TRMT10A: variants seen among roughly 807,000 people sequenced by gnomAD.
TRMT10A encodes the protein tRNA methyltransferase 10A.
Under a neutral mutation model 40.4 loss-of-function variants are expected in TRMT10A, and 37 were observed. That is an observed-to-expected ratio of 0.92 (90% confidence interval 0.71 to 1.21). The LOEUF is 1.21. Ranked by LOEUF, TRMT10A falls within the 50% of genes most tolerant of loss-of-function variation. TRMT10A has a pLI of 0.00. For missense variants in TRMT10A, 388 were observed against 404.3 expected, an observed-to-expected ratio of 0.96 and a Z score of 0.35; for synonymous variants, 103 against 134.1, an observed-to-expected ratio of 0.77 and a Z score of 1.60.
intron 6 of TRMT10A, among the ~76,000 whole-genome samples, chr4:99,551,219 T>C (rs1308795152): frequency 2.0e-5 from 3 of 152,186 alleles, no homozygotes; most frequent in East Asian, 3.9e-4. Flanking sequence ...AAGTTACAAA[T>C]GAGGAAACCA....
intron 6 of TRMT10A, among the ~76,000 whole-genome samples, chr4:99,552,386 C>T (rs1723997880): frequency 6.6e-6 from 1 of 152,044 alleles, no homozygotes; most frequent in South Asian, 2.1e-4. Context: ...CTTTATGTTA[C>T]AATTGTCTAC....
chr4:99,555,882 G>T (rs2110188921), intron 5 of TRMT10A, among the ~76,000 whole-genome samples: 1 of 152,130 alleles, frequency 6.6e-6, no homozygotes, highest in South Asian at 2.1e-4. Flanking sequence ...ATGATATAAA[G>T]GCCCTTAAAA....
intron 7 of TRMT10A, among the ~76,000 whole-genome samples, chr4:99,549,682 A>G (rs1013051790): frequency 2.6e-5 from 4 of 152,184 alleles, no homozygotes; most frequent in African/African-American, 7.2e-5. Flanking sequence ...TTTACATGCT[A>G]ACAACCTAGT....
chr4:99,553,634 T>A (rs780796017), intron 6 of TRMT10A, 151 bp downstream of exon 6: 48 of 656,508 alleles, frequency 7.3e-5, no homozygotes, highest in Non-Finnish European at 1.2e-4. Context: ...AGCTAACTTA[T>A]GTGAAATACT....
intron 3 of TRMT10A, 192 bp downstream of exon 3, chr4:99,557,857 T>TA (rs1322999622): frequency 1.8e-5 from 10 of 555,092 alleles, no homozygotes; most frequent in Non-Finnish European, 2.8e-5. Flanking sequence ...CACACACACA[T>TA]ACACACATAT....
chr4:99,556,332 T>C, intron 4 of TRMT10A, 112 bp from the exon 5 acceptor site: 1 of 1,003,084 alleles, frequency 1.0e-6, no homozygotes, highest in African/African-American at 1.6e-5. Context: ...AATATATTTA[T>C]TCTCATTCAT....
rs1248549911 is a variant in TRMT10A, at chr4:99,547,814, T to C, written c.*1274A>G. The C allele has an allele frequency of 6.6e-6, 1 of 152,042 alleles. No homozygotes were observed. Among genetic ancestry groups the C allele is most frequent in the Admixed American group, 6.6e-5 (1 of 15,264 alleles). 9.4% of individuals were successfully genotyped at this position (152,042 alleles called of 1,614,324 possible). ...TAGTATGTTATATACTTTTTAAATA[T>C]AACTTTTATATATTAAAAAGAAGAC... is the stretch of plus-strand genomic sequence containing the variant. On this transcript the variant is annotated 3_prime_UTR_variant, in exon 8 of 8. Coordinates refer to ENST00000394876, the MANE Select transcript of TRMT10A (RefSeq NM_001134665.3).
intron 6 of TRMT10A, among the ~76,000 whole-genome samples, chr4:99,551,770 T>C (rs1372342265): frequency 2.6e-5 from 4 of 152,144 alleles, no homozygotes; most frequent in Non-Finnish European, 2.9e-5. Context: ...GCTCCATGCA[T>C]GTCATTACCC....
intron 5 of TRMT10A, among the ~76,000 whole-genome samples, chr4:99,554,156 G>T (rs1478166553): frequency 6.6e-6 from 1 of 151,682 alleles, no homozygotes; most frequent in African/African-American, 2.4e-5. Flanking sequence ...CCTCCTTGTT[G>T]GCCTCAGACC....
chr4:99,553,473 G>A (rs1724040334), intron 6 of TRMT10A, among the ~76,000 whole-genome samples: 1 of 152,188 alleles, frequency 6.6e-6, no homozygotes, highest in African/African-American at 2.4e-5. Context: ...TAAGCATGTG[G>A]ACTCCAGAGC....
intron 7 of TRMT10A, among the ~76,000 whole-genome samples, chr4:99,550,094 C>CA (rs1255942208): frequency 6.6e-5 from 7 of 105,968 alleles, no homozygotes; most frequent in African/African-American, 3.9e-4. Context: ...ATGTTATTTG[C>CA]AACAGCAAAA....
At chr4:99,560,177 T>C (rs1724333298) in intron 1 of TRMT10A, among the ~76,000 whole-genome samples, 1 of 152,004 alleles carries the variant, frequency 6.6e-6, no homozygotes, top group South Asian at 2.1e-4. Context: ...AAATTAAAAA[T>C]AGGGCAATCA....
chr4:99,558,297 AT>A, intron 2 of TRMT10A, 86 bp from the exon 3 acceptor site: 3 of 1,191,926 alleles, frequency 2.5e-6, no homozygotes, highest in Non-Finnish European at 3.5e-6. Context: ...CCTTTTAAAA[AT>A]CATCAGGTTA....
chr4:99,560,069 T>C (rs907286288), intron 1 of TRMT10A, among the ~76,000 whole-genome samples: 9 of 152,072 alleles, frequency 5.9e-5, no homozygotes, highest in Non-Finnish European at 1.5e-5. Context: ...ATCTTTTCTA[T>C]AGTCTTTTTT....
chr4:99,555,922 G>A (rs1318035055), intron 5 of TRMT10A, among the ~76,000 whole-genome samples: 1 of 152,136 alleles, frequency 6.6e-6, no homozygotes, highest in Non-Finnish European at 1.5e-5. Context: ...CGTTTTAAAA[G>A]TTGACCATAA....
intron 5 of TRMT10A, 55 bp downstream of exon 5, chr4:99,556,091 C>A: frequency 6.5e-7 from 1 of 1,539,910 alleles, no homozygotes; most frequent in Non-Finnish European, 8.9e-7. Context: ...AAATGTAGAC[C>A]TTTAGAAACA....
intron 6 of TRMT10A, among the ~76,000 whole-genome samples, chr4:99,552,965 A>G (rs1185920291): frequency 6.6e-6 from 1 of 152,128 alleles, no homozygotes; most frequent in Non-Finnish European, 1.5e-5. Flanking sequence ...TCAGAAAAAC[A>G]TAAACATGAG....
Position 99,548,394 on chromosome 4 carries a change from T to A in TRMT10A, c.*694A>T, listed in dbSNP as rs1211374479. The A allele has an allele frequency of 1.3e-5, 2 of 152,144 alleles. No individual in the cohort carries two copies. Among genetic ancestry groups the A allele is most frequent in the Non-Finnish European group, 2.9e-5 (2 of 67,994 alleles). 9.4% of individuals were successfully genotyped at this position (152,144 alleles called of 1,614,324 possible). On this transcript the variant is annotated 3_prime_UTR_variant, in exon 8 of 8. Coordinates refer to ENST00000394876, the MANE Select transcript of TRMT10A (RefSeq NM_001134665.3). ...AACAGCCTTATAAAATAATTTAGTC[T>A]GCAAAATTCAATTTTATAATTGAAG... is the stretch of plus-strand genomic sequence containing the variant.
chr4:99,552,952 A>G (rs946172170), intron 6 of TRMT10A, among the ~76,000 whole-genome samples: 2 of 152,114 alleles, frequency 1.3e-5, no homozygotes, highest in Non-Finnish European at 2.9e-5. Context: ...AAATTGTTTT[A>G]GTTCAGAAAA....
Sources: gnomAD v4.1 joint callset for allele counts (sites outside exome capture counted in the v4.1 genomes callset) on GRCh38, gnomAD v4.1.1 for gene constraint, MANE v1.5 for transcripts, NCBI Gene and HGNC (gene_info 2026-07-23, HGNC 2026-07-21) for gene names.